Variants in PHF21B observed in about 807,000 individuals in gnomAD.
PHF21B encodes the protein PHD finger protein 4.
Under a neutral mutation model 62.2 loss-of-function variants are expected in PHF21B, and 22 were observed. The ratio of observed to expected loss-of-function variants is 0.35; its 90% confidence interval spans 0.25 to 0.51. The LOEUF is 0.51. Among genes scored for constraint, PHF21B ranks in the 20% least tolerant of loss-of-function variants. The pLI is 0.97. For synonymous variants in PHF21B, 341 were observed against 314.7 expected, an observed-to-expected ratio of 1.08 and a Z score of -0.88; for missense variants, 701 against 707.9, an observed-to-expected ratio of 0.99 and a Z score of 0.11.
intron 2 of PHF21B, among the ~76,000 whole-genome samples, chr22:44,937,865 A>C (rs533043515): frequency 6.6e-6 from 1 of 152,366 alleles, no homozygotes; most frequent in African/African-American, 2.4e-5. Flanking sequence ...GAGGCTCAAG[A>C]AGCAGCAAAA....
chr22:44,953,526 C>T (rs1043090030), intron 2 of PHF21B, among the ~76,000 whole-genome samples: 4 of 152,102 alleles, frequency 2.6e-5, no homozygotes, highest in Non-Finnish European at 5.9e-5. Context: ...CTGCTTGCAG[C>T]CCCAGAGTGG....
chr22:44,914,466 G>T (rs1003497028), intron 4 of PHF21B, among the ~76,000 whole-genome samples: 1 of 152,222 alleles, frequency 6.6e-6, no homozygotes, highest in Admixed American at 6.5e-5. Context: ...ACACTCAGGC[G>T]GCGAGGACTT....
intron 2 of PHF21B, among the ~76,000 whole-genome samples, chr22:44,922,231 A>G (rs2071551015): frequency 6.6e-6 from 1 of 152,272 alleles, no homozygotes; most frequent in South Asian, 2.1e-4. Context: ...ATTTGCTAAA[A>G]TAACACATGG....
At chr22:44,908,792 A>G (rs529329440) in intron 5 of PHF21B, among the ~76,000 whole-genome samples, 1 of 152,266 alleles carries the variant, frequency 6.6e-6, no homozygotes, top group Non-Finnish European at 1.5e-5. Context: ...CTTGGTATGC[A>G]TGTATGTGTG....
intron 2 of PHF21B, chr22:45,003,463 C>T (rs1320305077): frequency 2.6e-5 from 4 of 152,296 alleles, no homozygotes; most frequent in Non-Finnish European, 1.5e-5. Context: ...CTAAGAACGC[C>T]GCAGAGGCAG....
At chr22:44,995,012 G>C (rs1266931555) in intron 2 of PHF21B, among the ~76,000 whole-genome samples, 1 of 152,234 alleles carries the variant, frequency 6.6e-6, no homozygotes, top group African/African-American at 2.4e-5. Flanking sequence ...TCGCCAGCCA[G>C]GTCCCCGGCT....
At chr22:44,915,526 T>A (rs2071416336) in intron 4 of PHF21B, among the ~76,000 whole-genome samples, 1 of 152,206 alleles carries the variant, frequency 6.6e-6, no homozygotes, top group Non-Finnish European at 1.5e-5. Flanking sequence ...GACTGCGAAT[T>A]CTTTGAGGGG....
At chr22:44,949,759 G>A (rs55787594) in intron 2 of PHF21B, among the ~76,000 whole-genome samples, 8,893 of 152,192 alleles carry the variant, frequency 0.058, 678 homozygotes, top group African/African-American at 0.18. Context: ...TCACAGAGCC[G>A]CGAGAACAGA....
In PHF21B at chr22:44,984,212, TCAC is replaced by T. The variant is rs1371345893; in HGVS notation, c.120+24330_120+24332del. On this transcript the variant is annotated intron_variant, in intron 2 of 12. Transcript: ENST00000313237. ...ATCATCACCACCACTACCACCATCATCACCACCACCATCACCATCACCACCCTC... is the reference window on the plus strand; with the variant it reads ...ATCATCACCACCACTACCACCATCATCACCACCATCACCATCACCACCCTC... Among the ~76,000 whole-genome samples, 6 of 18,390 alleles carry T rather than the reference TCAC, an allele frequency of 3.3e-4. No homozygotes were observed. In the East Asian group the frequency reaches 3.4e-3, roughly 11 times the overall value. The allele number at this position is 18,390 out of a possible 152,430, so 12.1% of individuals were successfully genotyped here.
At position 44,916,382 on chromosome 22, in the gene PHF21B, G is replaced by A. The variant is rs1314885372; in HGVS notation, c.462C>T (p.Ser154=). The part of the protein sequence containing the change: ...SSAGVAYAII[S]TSPSNAAAMA... ...TGGCGGCGGCATTGCTGGGGGAGGTGGAGATGATGGCGTAGGCCACCCCCG... is the reference window on the plus strand; with the variant it reads ...TGGCGGCGGCATTGCTGGGGGAGGTAGAGATGATGGCGTAGGCCACCCCCG... Residue 154 remains serine, a synonymous_variant, in exon 4 of 13, where the codon TCC becomes TCT. Coordinates refer to ENST00000313237, the MANE Select transcript of PHF21B (RefSeq NM_138415.5). 8 of 1,591,702 alleles carry A rather than the reference G, an allele frequency of 5.0e-6. No individual in the cohort carries two copies. The highest frequency in any genetic ancestry group is 2.2e-5 in the East Asian group (1 of 44,736).
chr22:44,915,176 G>T (rs2071411423), intron 4 of PHF21B, among the ~76,000 whole-genome samples: 1 of 152,130 alleles, frequency 6.6e-6, no homozygotes, highest in African/African-American at 2.4e-5. Flanking sequence ...CTGTATGGAA[G>T]AAATATGTCC....
chr22:44,896,880 G>GTTT lies in PHF21B; in HGVS notation c.832-800_832-798dup, dbSNP rs56878868. ...AACAGGGTGGCACTTAGTTTTATCT[G>GTTT]TTTTTTTTTTTTTTTTGAGACAGGT... On this transcript the variant is annotated intron_variant, in intron 5 of 12. Coordinates refer to ENST00000313237, the MANE Select transcript of PHF21B (RefSeq NM_138415.5). 2.7e-3 allele frequency among the ~76,000 whole-genome samples: 231 copies of GTTT among 84,048 alleles called. 7 individuals carry two copies. Among genetic ancestry groups the GTTT allele is most frequent in the Non-Finnish European group, 4.4e-3 (183 of 41,206 alleles). 55.1% of individuals were successfully genotyped at this position (84,048 alleles called of 152,430 possible).
At chr22:44,941,099 A>C (rs2071947542) in intron 2 of PHF21B, among the ~76,000 whole-genome samples, 1 of 152,206 alleles carries the variant, frequency 6.6e-6, no homozygotes, top group African/African-American at 2.4e-5. Flanking sequence ...TGGACTCAGG[A>C]ATGCTGCGCG....
At chr22:44,980,000 C>T (rs1157892278) in intron 2 of PHF21B, among the ~76,000 whole-genome samples, 1 of 126,270 alleles carries the variant, frequency 7.9e-6, no homozygotes, top group Non-Finnish European at 1.5e-5. Flanking sequence ...ACCCGGGAGA[C>T]AGAGGCTACA....
chr22:44,974,281 G>A (rs1300889113), intron 2 of PHF21B, among the ~76,000 whole-genome samples: 2 of 152,096 alleles, frequency 1.3e-5, no homozygotes, highest in African/African-American at 4.8e-5. Flanking sequence ...GGGCATGGTG[G>A]CGGATGCCTG....
intron 2 of PHF21B, among the ~76,000 whole-genome samples, chr22:44,982,738 A>G (rs1156230280): frequency 6.6e-6 from 1 of 152,222 alleles, no homozygotes; most frequent in East Asian, 1.9e-4. Flanking sequence ...TTTAAAATTA[A>G]TGGTGATTTT....
intron 5 of PHF21B, among the ~76,000 whole-genome samples, chr22:44,896,459 C>T (rs951518692): frequency 6.6e-6 from 1 of 152,200 alleles, no homozygotes; most frequent in Non-Finnish European, 1.5e-5. Context: ...AAAGCATCTA[C>T]AGCTCGATTT....
At chr22:44,894,220 TA>T (rs1409108728) in intron 6 of PHF21B, among the ~76,000 whole-genome samples, 4 of 152,172 alleles carry the variant, frequency 2.6e-5, no homozygotes, top group Non-Finnish European at 5.9e-5. Context: ...ACACAGGGTC[TA>T]AAGAAAGAAA....
chr22:44,922,940 A>G (rs5765088), intron 2 of PHF21B, among the ~76,000 whole-genome samples: 28,123 of 152,192 alleles, frequency 0.18, 3,487 homozygotes, highest in East Asian at 0.63. Context: ...AATCTCAGTC[A>G]GCTTTTTTTT....
Sources: gnomAD v4.1 joint callset for allele counts (sites outside exome capture counted in the v4.1 genomes callset) on GRCh38, gnomAD v4.1.1 for gene constraint, MANE v1.5 for transcripts, NCBI Gene and HGNC (gene_info 2026-07-23, HGNC 2026-07-21) for gene names.